Variants in HS6ST3 observed in about 807,000 individuals in gnomAD.
HS6ST3 encodes the protein heparan-sulfate 6-O-sulfotransferase 3.
In HS6ST3, 12 loss-of-function variants were observed where a neutral mutation model predicts 36.7. The ratio of observed to expected loss-of-function variants is 0.33; its 90% CI spans 0.21 to 0.53. The LOEUF (loss-of-function observed/expected upper bound fraction) is 0.53, where lower values mean the gene tolerates loss of function less well. HS6ST3 is among the 20% of genes least tolerant of loss of function. The pLI is 0.95. For synonymous variants in HS6ST3, 240 were observed against 257.5 expected, an observed-to-expected ratio of 0.93 and a Z score of 0.65; for missense variants, 584 against 640.9, an observed-to-expected ratio of 0.91 and a Z score of 0.96.
At chr13:96,512,788 A>G (rs780032408) in intron 1 of HS6ST3, among the ~76,000 whole-genome samples, 3 of 151,878 alleles carry the variant, frequency 2.0e-5, no homozygotes, top group African/African-American at 4.8e-5. Flanking sequence ...TGTTGATTCA[A>G]TTGTTTTTTT....
At chr13:96,810,294 T>G (rs903444751) in intron 1 of HS6ST3, among the ~76,000 whole-genome samples, 1 of 152,136 alleles carries the variant, frequency 6.6e-6, no homozygotes, top group Non-Finnish European at 1.5e-5. Flanking sequence ...GTTTCTTATC[T>G]TTCCTTCAGA....
intron 1 of HS6ST3, among the ~76,000 whole-genome samples, chr13:96,294,619 T>A (rs1020783598): frequency 1.3e-5 from 2 of 152,008 alleles, no homozygotes; most frequent in Non-Finnish European, 2.9e-5. Flanking sequence ...TAGAACAATA[T>A]AGGTTGGTGA....
chr13:96,267,458 G>A (rs1182376510), intron 1 of HS6ST3, among the ~76,000 whole-genome samples: 2 of 151,754 alleles, frequency 1.3e-5, no homozygotes, highest in East Asian at 1.9e-4. Context: ...TAAATTTCTG[G>A]TTTCAACTTA....
chr13:96,448,693 T>C (rs866148454), intron 1 of HS6ST3, among the ~76,000 whole-genome samples: 1 of 152,134 alleles, frequency 6.6e-6, no homozygotes, highest in Non-Finnish European at 1.5e-5. Flanking sequence ...CTGTCTAGGC[T>C]GAACTCCAGA....
At chr13:96,189,860 G>A (rs1411649549) in intron 1 of HS6ST3, among the ~76,000 whole-genome samples, 5 of 152,040 alleles carry the variant, frequency 3.3e-5, no homozygotes, top group African/African-American at 4.8e-5. Context: ...TTGCTCACAG[G>A]GCTTTGGTTG....
chr13:96,271,516 A>G (rs1215331170), intron 1 of HS6ST3, among the ~76,000 whole-genome samples: 3 of 151,908 alleles, frequency 2.0e-5, no homozygotes, highest in Non-Finnish European at 4.4e-5. Flanking sequence ...GTAAGCTCCT[A>G]AAGGCAGGGA....
chr13:96,266,435 C>G (rs1200395010), intron 1 of HS6ST3, among the ~76,000 whole-genome samples: 1 of 152,152 alleles, frequency 6.6e-6, no homozygotes, highest in Non-Finnish European at 1.5e-5. Context: ...ACAGGATAAA[C>G]AGCAAGTTAC....
In HS6ST3 at chr13:96,194,790, C is replaced by T. The variant is rs188073406; in HGVS notation, c.707+103221C>T. On this transcript the variant is annotated intron_variant, in intron 1 of 1. Transcript: ENST00000376705. ...ATCCATTTCACTCACCCCCAAGCCT[C>T]TGGCAACCACTGTTCTACTCTGTTC... Among the ~76,000 whole-genome samples, 108 of 152,042 alleles carry T rather than the reference C, an allele frequency of 7.1e-4. No homozygotes were observed. In the Middle Eastern group the frequency reaches 0.01, roughly 14 times the overall value.
chr13:96,606,661 G>T (rs1340223824), intron 1 of HS6ST3, among the ~76,000 whole-genome samples: 1 of 150,952 alleles, frequency 6.6e-6, no homozygotes, highest in African/African-American at 2.4e-5. Context: ...CCTATTGGGT[G>T]CTGTGCTCAA....
In HS6ST3 at chr13:96,787,241, G is replaced by A. The variant is rs908005841; in HGVS notation, c.708-45249G>A. 2.0e-5 allele frequency among the ~76,000 whole-genome samples: 3 copies of A among 152,104 alleles called. No homozygotes were observed. The East Asian group carries it at 5.8e-4, about 29-fold the overall frequency. On this transcript the variant is annotated intron_variant, in intron 1 of 1. Coordinates refer to ENST00000376705, the MANE Select transcript of HS6ST3 (RefSeq NM_153456.4). Reference sequence around the variant, plus strand: ...TTTTCATTTCTCTGGGGTAAATACCGAGGAGTAGGATGACTGGGTCATGTC... The same window carrying A: ...TTTTCATTTCTCTGGGGTAAATACCAAGGAGTAGGATGACTGGGTCATGTC...
At chr13:96,759,377 T>C (rs1876910842) in intron 1 of HS6ST3, among the ~76,000 whole-genome samples, 1 of 151,894 alleles carries the variant, frequency 6.6e-6, no homozygotes, top group Non-Finnish European at 1.5e-5. Flanking sequence ...TCTTGCTTTC[T>C]TTTGGATTAA....
rs369401981 is a variant in HS6ST3 at position 96,103,540 on chromosome 13, G to A, written c.707+11971G>A. ...AATTTACTAATTTATGAGACAATTT[G>A]GATAAGAATGTGTGCCCTATATCCT... is the stretch of plus-strand genomic sequence containing the variant. On this transcript the variant is annotated intron_variant, in intron 1 of 1. Transcript: ENST00000376705. 1.8e-4 allele frequency among the ~76,000 whole-genome samples: 28 copies of A among 152,264 alleles called. 1 individual carries two copies. The East Asian group carries it at 2.1e-3, about 12-fold the overall frequency.
At chr13:96,741,994 CCT>C (rs750471540) in intron 1 of HS6ST3, among the ~76,000 whole-genome samples, 114 of 152,214 alleles carry the variant, frequency 7.5e-4, no homozygotes, top group African/African-American at 2.4e-3. Flanking sequence ...CAAAACATCC[CCT>C]GTCTCTGCAA....
chr13:96,494,676 T>TAC (rs139238999), intron 1 of HS6ST3, among the ~76,000 whole-genome samples: 92 of 149,134 alleles, frequency 6.2e-4, no homozygotes, highest in African/African-American at 2.2e-3. Context: ...CACACACACA[T>TAC]ACACACACAC....
chr13:96,199,024 T>C (rs1050093432), intron 1 of HS6ST3, among the ~76,000 whole-genome samples: 18 of 152,162 alleles, frequency 1.2e-4, no homozygotes, highest in African/African-American at 4.1e-4. Flanking sequence ...AATCATGGTG[T>C]TGGCAAGAGA....
At chr13:96,529,053 G>A (rs2056125675) in intron 1 of HS6ST3, among the ~76,000 whole-genome samples, 1 of 152,004 alleles carries the variant, frequency 6.6e-6, no homozygotes, top group African/African-American at 2.4e-5. Flanking sequence ...TTTCTAATAT[G>A]TATCATTTTT....
chr13:96,353,482 C>A (rs767273600), intron 1 of HS6ST3, among the ~76,000 whole-genome samples: 30 of 151,860 alleles, frequency 2.0e-4, no homozygotes, highest in Admixed American at 6.6e-5. Flanking sequence ...TCATTCTTTA[C>A]ACTAAAATTC....
At chr13:96,124,013 AT>A (rs2053938780) in intron 1 of HS6ST3, among the ~76,000 whole-genome samples, 1 of 152,220 alleles carries the variant, frequency 6.6e-6, no homozygotes, top group African/African-American at 2.4e-5. Flanking sequence ...TGTTAATCGT[AT>A]GCATGGGCAG....
At chr13:96,335,974 T>G (rs1383968916) in intron 1 of HS6ST3, among the ~76,000 whole-genome samples, 4 of 152,186 alleles carry the variant, frequency 2.6e-5, no homozygotes, top group Non-Finnish European at 5.9e-5. Flanking sequence ...TGAATTCTGG[T>G]TAGTTTATCA....
Sources: allele counts gnomAD v4.1 joint callset (sites outside exome capture counted in the v4.1 genomes callset), GRCh38; gene constraint gnomAD v4.1.1; transcripts MANE v1.5; gene names NCBI Gene and HGNC (gene_info 2026-07-23, HGNC 2026-07-21).